UGT8: variants seen among roughly 807,000 people sequenced by gnomAD.
The protein encoded by UGT8 is 2-hydroxyacylsphingosine 1-beta-galactosyltransferase.
UGT8 carries 12 observed loss-of-function variants against 40.5 expected under a neutral mutation model. The observed-to-expected ratio is 0.30, with a 90% CI of 0.19 to 0.48. The LOEUF (loss-of-function observed/expected upper bound fraction) is 0.48, where lower values mean the gene tolerates loss of function less well. UGT8 is among the 20% of genes least tolerant of loss of function. The pLI is 0.99. For synonymous variants in UGT8, 224 were observed against 240.4 expected (o/e 0.93, Z 0.63); for missense variants, 513 against 648.7 (o/e 0.79, Z 2.27).
intron 2 of UGT8, among the ~76,000 whole-genome samples, chr4:114,629,702 G>A (rs1043474208): frequency 6.6e-6 from 1 of 152,110 alleles, no homozygotes. Context: ...AATTTTCTAA[G>A]CAACATTGTA....
chr4:114,628,704 G>C (rs1206033723), intron 2 of UGT8, among the ~76,000 whole-genome samples: 1 of 143,734 alleles, frequency 7.0e-6, no homozygotes, highest in Non-Finnish European at 1.5e-5. Context: ...AAGTTCACCA[G>C]TTGTGGAGAC....
At chr4:114,651,563 C>T (rs1370560262) in intron 2 of UGT8, among the ~76,000 whole-genome samples, 1 of 152,104 alleles carries the variant, frequency 6.6e-6, no homozygotes, top group Non-Finnish European at 1.5e-5. Context: ...CTCCTGCCCT[C>T]TCTGTTACAA....
At chr4:114,660,106 A>G (rs1008712089) in intron 2 of UGT8, among the ~76,000 whole-genome samples, 7 of 152,212 alleles carry the variant, frequency 4.6e-5, no homozygotes, top group African/African-American at 1.4e-4. Context: ...TTATGAAAAG[A>G]AAATATGGAC....
chr4:114,669,057 G>C (rs1168109535), intron 5 of UGT8, among the ~76,000 whole-genome samples: 2 of 152,042 alleles, frequency 1.3e-5, no homozygotes, highest in East Asian at 1.9e-4. Flanking sequence ...TTTATGCCTA[G>C]GGGATATGGC....
In UGT8 at chr4:114,668,248, G is replaced by A. The variant is rs202154764; in HGVS notation, c.1206G>A (p.Lys402=). The A allele has an allele frequency of 1.9e-6, 3 of 1,613,808 alleles. No homozygotes were observed. Among genetic ancestry groups the A allele is most frequent in the Non-Finnish European group, 2.5e-6 (3 of 1,179,836 alleles). ...GCATGGGGATATTGCTAGAATGGAA[G>A]ACAGTTACTGAAAAAGAGCTCTATG... ...AKGMGILLEW[K]TVTEKELYEA... Residue 402 remains lysine, a synonymous_variant, in exon 5 of 6, where the codon AAG becomes AAA. Transcript: ENST00000310836.
At chr4:114,603,082 G>C (rs551671558) in intron 1 of UGT8, among the ~76,000 whole-genome samples, 131 of 152,306 alleles carry the variant, frequency 8.6e-4, no homozygotes, top group African/African-American at 2.8e-3. Flanking sequence ...CGATATTCAG[G>C]TGGTAGAACC....
At chr4:114,646,763 G>T (rs1733597026) in intron 2 of UGT8, among the ~76,000 whole-genome samples, 1 of 152,226 alleles carries the variant, frequency 6.6e-6, no homozygotes, top group Non-Finnish European at 1.5e-5. Context: ...TGATTATGAT[G>T]TAGTGTTTTT....
intron 1 of UGT8, among the ~76,000 whole-genome samples, chr4:114,603,872 G>C (rs1730581928): frequency 6.6e-6 from 1 of 152,202 alleles, no homozygotes; most frequent in African/African-American, 2.4e-5. Context: ...TAGAAGGTCC[G>C]TAGTCATTTT....
At chr4:114,673,284 C>A (rs1265629419) in intron 5 of UGT8, among the ~76,000 whole-genome samples, 3 of 152,172 alleles carry the variant, frequency 2.0e-5, no homozygotes, top group Non-Finnish European at 4.4e-5. Context: ...AGACCAGTTT[C>A]AGCATGGAAA....
chr4:114,647,298 C>T (rs995590051), intron 2 of UGT8, among the ~76,000 whole-genome samples: 13 of 151,758 alleles, frequency 8.6e-5, no homozygotes, highest in Non-Finnish European at 1.5e-4. Context: ...AACCAATGCT[C>T]GTTGAATGCT....
chr4:114,635,759 C>T (rs2126109460), intron 2 of UGT8, among the ~76,000 whole-genome samples: 2 of 152,126 alleles, frequency 1.3e-5, no homozygotes, highest in Middle Eastern at 6.9e-3. Flanking sequence ...TCAAATGAGG[C>T]TTGTTTACCA....
In UGT8 at chr4:114,677,809, G is replaced by A. The variant is rs1274838222; in HGVS notation, c.*1521G>A. 6.6e-6 allele frequency: 1 copy of A among 152,168 alleles called. No homozygotes were observed. The highest frequency in any genetic ancestry group is 2.4e-5 in the African/African-American group (1 of 41,450). 9.4% of individuals were successfully genotyped at this position (152,168 alleles called of 1,614,324 possible). A position where few individuals can be genotyped will look rare whatever the true frequency, so the allele number is the denominator to read the frequency against. ...CCTAATGTCATTCACTAACATGGAA[G>A]AGTTGTGAAAATTCTAGAGTGCTGT... is the stretch of plus-strand genomic sequence containing the variant. On this transcript the variant is annotated 3_prime_UTR_variant, in exon 6 of 6. Coordinates refer to ENST00000310836, the MANE Select transcript of UGT8 (RefSeq NM_001128174.3).
Position 114,676,044 on chromosome 4 carries a change from G to A in UGT8, c.1382G>A (p.Arg461His). 2.5e-6 allele frequency: 4 copies of A among 1,614,126 alleles called. No individual in the cohort carries two copies. The highest frequency in any genetic ancestry group is 1.1e-5 in the South Asian group (1 of 91,074). ...CGTCACAATGGAGCCCATCACCTAC[G>A]TGCCGCTGTCCATCAGATCTCCTTT... ...IIRHNGAHHL[R>H]AAVHQISFCQ... Residue 461 changes from arginine to histidine, a missense_variant, in exon 6 of 6, where the codon CGT becomes CAT. This residue lies in a region of UGT8 where 175 missense variants were observed against 186.7 expected (regional missense o/e 0.94). Transcript: ENST00000310836.
At chr4:114,659,162 A>G (rs1734367852) in intron 2 of UGT8, among the ~76,000 whole-genome samples, 1 of 152,202 alleles carries the variant, frequency 6.6e-6, no homozygotes, top group South Asian at 2.1e-4. Flanking sequence ...AATAAATGCA[A>G]ATACTTAACA....
At chr4:114,663,353 TG>T (rs1425078331) in intron 2 of UGT8, among the ~76,000 whole-genome samples, 1 of 152,114 alleles carries the variant, frequency 6.6e-6, no homozygotes, top group Non-Finnish European at 1.5e-5. Flanking sequence ...GAGTCATCAA[TG>T]CACAGCAAGT....
In UGT8 at chr4:114,623,094, C is replaced by A; in HGVS notation, c.214C>A (p.Arg72Ser). Reference protein sequence around the residue: ...IAPSNHYSLQRYPGIFNSTTS... With the variant: ...IAPSNHYSLQSYPGIFNSTTS... ...CCCATCTAATCATTACAGCCTCCAG[C>A]GCTACCCAGGGATCTTTAACAGTAC... Residue 72 changes from arginine to serine, a missense_variant, in exon 2 of 6, where the codon CGC (arginine) becomes AGC (serine). This residue lies in a region of UGT8 where 335 missense variants were observed against 444.8 expected (regional missense o/e 0.75). Transcript: ENST00000310836. 2 of 1,614,126 alleles carry A rather than the reference C, an allele frequency of 1.2e-6. No homozygotes were observed. Among genetic ancestry groups the A allele is most frequent in the East Asian group, 2.2e-5 (1 of 44,868 alleles).
intron 2 of UGT8, among the ~76,000 whole-genome samples, chr4:114,660,481 G>C (rs1383062988): frequency 2.0e-5 from 3 of 152,002 alleles, no homozygotes; most frequent in African/African-American, 7.2e-5. Context: ...GGTGTTTGTG[G>C]TTTTATTCCC....
At chr4:114,622,556 A>C (rs1466925987) in intron 1 of UGT8, 2 of 235,820 alleles carry the variant, frequency 8.5e-6, no homozygotes, top group Non-Finnish European at 1.7e-5. Flanking sequence ...TCCCACCAAC[A>C]GTGTAAAAGT....
At chr4:114,623,726 T>A (rs762098603) in intron 2 of UGT8, 24 bp downstream of exon 2, 1 of 1,555,408 alleles carries the variant, frequency 6.4e-7, no homozygotes. Context: ...AATTCCTTGG[T>A]AATTCTTTTT....
Sources: gnomAD v4.1 joint callset for allele counts (sites outside exome capture counted in the v4.1 genomes callset) on GRCh38, gnomAD v4.1.1 for gene constraint, gnomAD v4.1.1 regional missense constraint, MANE v1.5 for transcripts, NCBI Gene and HGNC (gene_info 2026-07-23, HGNC 2026-07-21) for gene names.